Variants in RCC1 observed in about 807,000 individuals in gnomAD.
The protein encoded by RCC1 is regulator of chromosome condensation.
Under a neutral mutation model 44.4 loss-of-function variants are expected in RCC1, and 11 were observed. The ratio of observed to expected loss-of-function variants is 0.25; its 90% CI spans 0.16 to 0.41. RCC1 has a LOEUF of 0.41. Ranked by LOEUF, RCC1 falls within the 10% of genes least tolerant of loss-of-function variation. The probability of loss-of-function intolerance (pLI) is 1.00; values close to 1 mark genes in which losing one functional copy is unlikely to be tolerated. For synonymous variants in RCC1, 213 were observed against 216.5 expected (o/e 0.98, Z 0.14); for missense variants, 386 against 547.1 (o/e 0.71, Z 2.94).
At position 28,506,665 on chromosome 1, in the gene RCC1, T is replaced by C. The variant is rs1024326905; in HGVS notation, c.-262+581T>C. On this transcript the variant is annotated intron_variant, in intron 1 of 12. Coordinates refer to ENST00000683442, the MANE Select transcript of RCC1 (RefSeq NM_001381865.2). ...CCGCCACCCCCACTGTTTATCTTAC[T>C]GCCTCATAGTAGGCACATTGTCGTT... The C allele has an allele frequency of 3.5e-5, 6 of 170,530 alleles. No homozygotes were observed. The East Asian group carries it at 1.1e-3, about 31-fold the overall frequency. The allele number at this position is 170,530 out of a possible 1,614,324, so 10.6% of individuals were successfully genotyped here. A position where few individuals can be genotyped will look rare whatever the true frequency, so the allele number is the denominator to read the frequency against.
At chr1:28,535,497 GT>G in intron 9 of RCC1, 117 bp downstream of exon 9, 1 of 1,510,302 alleles carries the variant, frequency 6.6e-7, no homozygotes, top group Non-Finnish European at 9.0e-7. Context: ...TGTGGTGTTG[GT>G]TAGGACTTTG....
chr1:28,535,624 A>G, intron 9 of RCC1: 1 of 767,148 alleles, frequency 1.3e-6, no homozygotes, highest in Non-Finnish European at 2.2e-6. Context: ...CTGTGAAGTT[A>G]AATGAGTTAA....
At chr1:28,524,370 C>A (rs1490287771) in intron 4 of RCC1, among the ~76,000 whole-genome samples, 1 of 152,182 alleles carries the variant, frequency 6.6e-6, no homozygotes, top group Non-Finnish European at 1.5e-5. Flanking sequence ...CTTGGGCAGG[C>A]CTGCCAAGAA....
chr1:28,510,776 A>AT (rs1425270067), intron 3 of RCC1: 2 of 152,372 alleles, frequency 1.3e-5, no homozygotes, highest in South Asian at 2.1e-4. Context: ...CAAGCATCAA[A>AT]TTCCCTGCTC....
chr1:28,520,810 G>A (rs984643176), intron 4 of RCC1, among the ~76,000 whole-genome samples: 1 of 152,180 alleles, frequency 6.6e-6, no homozygotes, highest in Admixed American at 6.5e-5. Context: ...GGGCTCGGTG[G>A]CTCACGACTG....
At chr1:28,520,027 C>T (rs1663172119) in intron 4 of RCC1, among the ~76,000 whole-genome samples, 1 of 152,046 alleles carries the variant, frequency 6.6e-6, no homozygotes, top group South Asian at 2.1e-4. Flanking sequence ...TTTCATAAAG[C>T]AGTGAAGTTG....
rs1171134881 is a variant in RCC1 at position 28,531,805 on chromosome 1, T to G, written c.76T>G (p.Ser26Ala). The change falls in exon 6 of 13, where the codon TCA becomes GCA. Residue 26 changes from serine to alanine, a missense_variant and splice_region_variant. Coordinates refer to ENST00000683442, the MANE Select transcript of RCC1 (RefSeq NM_001381865.2). ...AIPKSKKVKV[S>A]HRSHSTEPGL... is the part of the protein sequence containing the mutation. ...GGTCTATCTTCTTCACCCTTCAGTC[T>G]CACACAGGTCCCACAGCACAGAACC... The G allele has an allele frequency of 1.3e-6, 2 of 1,536,370 alleles. No homozygotes were observed. Among genetic ancestry groups the G allele is most frequent in the Non-Finnish European group, 1.7e-6 (2 of 1,146,706 alleles).
chr1:28,536,093 A>G lies in RCC1; in HGVS notation c.817+67A>G. The G allele has an allele frequency of 6.4e-7, 1 of 1,553,378 alleles. No individual in the cohort carries two copies. The highest frequency in any genetic ancestry group is 8.7e-7 in the Non-Finnish European group (1 of 1,148,356). On this transcript the variant is annotated intron_variant, in intron 10 of 12. Transcript: ENST00000683442. This position sits in a 1 kb window ranked among gnomAD's most constrained non-coding sequence, Gnocchi z 4.9. Reference sequence around the variant, plus strand: ...CGTTCCTGTCCTGGCTCTGCCACTCATTCATTGTGCATCCTTTGCGGGGTC... The same window carrying G: ...CGTTCCTGTCCTGGCTCTGCCACTCGTTCATTGTGCATCCTTTGCGGGGTC...
intron 4 of RCC1, chr1:28,526,862 A>G (rs1570199197): frequency 1.5e-6 from 1 of 660,018 alleles, no homozygotes; most frequent in East Asian, 2.6e-5. Flanking sequence ...GTGCCACTGC[A>G]CTCCAGCCTG....
intron 4 of RCC1, among the ~76,000 whole-genome samples, chr1:28,528,831 G>A (rs1413039618): frequency 6.9e-6 from 1 of 145,394 alleles, no homozygotes; most frequent in African/African-American, 2.5e-5. Context: ...TGGATGATAG[G>A]CTGTTTTTCT....
intron 1 of RCC1, chr1:28,507,171 G>T (rs191627434): frequency 4.5e-4 from 158 of 352,982 alleles, no homozygotes; most frequent in African/African-American, 3.1e-3. Context: ...CTTCCACATA[G>T]TACTAACCGC....
chr1:28,523,027 CTTTTTTTT>C (rs775851239), intron 4 of RCC1, among the ~76,000 whole-genome samples: 2 of 91,040 alleles, frequency 2.2e-5, no homozygotes, highest in Non-Finnish European at 4.3e-5. Context: ...GAAGAAATTT[CTTTTTTTT>C]TTTTTTTTTT....
chr1:28,529,831 CAT>C, intron 4 of RCC1, 25 bp from the exon 5 acceptor site: 1 of 1,575,716 alleles, frequency 6.3e-7, no homozygotes, highest in East Asian at 2.2e-5. Flanking sequence ...TGCCATTTCT[CAT>C]ATGTAGTATT....
At chr1:28,535,439 C>T in intron 9 of RCC1, 59 bp downstream of exon 9, 3 of 1,604,118 alleles carry the variant, frequency 1.9e-6, no homozygotes, top group Non-Finnish European at 8.5e-7. Flanking sequence ...ACAGTGAAGG[C>T]CAAAGGCAGG....
Position 28,536,409 on chromosome 1 carries a change from T to TGGGG in RCC1, c.937+30_937+33dup. 1 of 1,608,402 alleles carries TGGGG rather than the reference T, an allele frequency of 6.2e-7. No individual in the cohort carries two copies. The highest frequency in any genetic ancestry group is 8.5e-7 in the Non-Finnish European group (1 of 1,178,148). The stretch of plus-strand genomic sequence containing the variant: ...AGGGCCTTTACGTCCTTCTCTAGTT[T>TGGGG]GGGGGTGGAGTGTTCCCTGGCCTAG... On this transcript the variant is annotated intron_variant, in intron 11 of 12. Transcript: ENST00000683442. This position sits in a 1 kb window ranked among gnomAD's most constrained non-coding sequence, Gnocchi z 4.9.
intron 5 of RCC1, chr1:28,530,522 G>C: frequency 6.2e-7 from 1 of 1,602,008 alleles, no homozygotes; most frequent in Non-Finnish European, 8.5e-7. Flanking sequence ...GTCTTTTGCA[G>C]ACACGAGGGC....
At chr1:28,535,005 G>A in intron 7 of RCC1, 45 bp from the exon 8 acceptor site, 1 of 1,513,518 alleles carries the variant, frequency 6.6e-7, no homozygotes, top group African/African-American at 1.4e-5. Context: ...CACTGGCACG[G>A]GGCAGGCAGG....
rs1481045218 is a variant in RCC1 at position 28,537,886 on chromosome 1, A to G, written c.1145A>G (p.Asp382Gly). ...AACTACCAGCTGGGCACAGGGCAGG[A>G]TGAGGACGCCTGGAGCCCTGTGGAG... ...GTNYQLGTGQ[D>G]EDAWSPVEMM... Residue 382 changes from aspartate (D) to glycine (G), a missense_variant, in exon 13 of 13, where the codon GAT (aspartate) becomes GGT (glycine). By Grantham distance (94) the Asp-to-Gly change is moderately conservative. Coordinates refer to ENST00000683442, the MANE Select transcript of RCC1 (RefSeq NM_001381865.2). 5.6e-6 allele frequency: 9 copies of G among 1,613,514 alleles called. No homozygotes were observed. The highest frequency in any genetic ancestry group is 7.6e-6 in the Non-Finnish European group (9 of 1,179,858).
chr1:28,517,436 C>G (rs1448323034), intron 4 of RCC1, among the ~76,000 whole-genome samples: 1 of 152,100 alleles, frequency 6.6e-6, no homozygotes, highest in East Asian at 1.9e-4. Context: ...TTCCCCAAGT[C>G]CATTCTCTAT....
Sources: gnomAD v4.1 joint callset for allele counts (sites outside exome capture counted in the v4.1 genomes callset) on GRCh38, gnomAD v4.1.1 for gene constraint, Gnocchi (gnomAD v3.1) non-coding constraint, MANE v1.5 for transcripts, NCBI Gene and HGNC (gene_info 2026-07-23, HGNC 2026-07-21) for gene names.